Variants in PPP1R3C observed in about 807,000 individuals in gnomAD.
PPP1R3C encodes the protein protein phosphatase 1 regulatory subunit 3C.
PPP1R3C carries 20 observed loss-of-function variants against 29.3 expected under a neutral mutation model. The observed-to-expected ratio is 0.68, with a 90% CI of 0.48 to 0.99. The LOEUF is 0.99. Among genes scored for constraint, PPP1R3C ranks in the 50% least tolerant of loss-of-function variants. PPP1R3C has a pLI of 0.00. For missense variants in PPP1R3C, 321 were observed against 386.0 expected, an observed-to-expected ratio of 0.83 and a Z score of 1.41; for synonymous variants, 123 against 143.1, an observed-to-expected ratio of 0.86 and a Z score of 1.00.
In PPP1R3C at chr10:91,630,579, A is replaced by T. The variant is rs1289983454; in HGVS notation, c.302T>A (p.Phe101Tyr). 1 of 1,613,926 alleles carries T rather than the reference A, an allele frequency of 6.2e-7. No homozygotes were observed. Among genetic ancestry groups the T allele is most frequent in the South Asian group, 1.1e-5 (1 of 91,078 alleles). The change falls in exon 2 of 2, where the codon TTC (phenylalanine) becomes TAC (tyrosine). Residue 101 changes from phenylalanine to tyrosine, a missense_variant. Coordinates refer to ENST00000238994, the MANE Select transcript of PPP1R3C (RefSeq NM_005398.7). The surrounding 1 kb of genome is among the most constrained non-coding windows in gnomAD (Gnocchi z 4.4). ...CGCTGGTTCTTCTGGGAGGTCGGAG[A>T]AGACATGGATCGCAGTGAGAGAGAG... ...KGLSLTAIHV[F>Y]SDLPEEPAWD...
At chr10:91,631,035 TC>T (rs1848712947) in intron 1 of PPP1R3C, among the ~76,000 whole-genome samples, 169 bp from the exon 2 acceptor site, 1 of 152,222 alleles carries the variant, frequency 6.6e-6, no homozygotes, top group Admixed American at 6.5e-5. Flanking sequence ...GATCAGATCT[TC>T]TATGTCTACC....
intron 1 of PPP1R3C, among the ~76,000 whole-genome samples, chr10:91,631,457 C>T (rs1416898699): frequency 6.6e-6 from 1 of 152,042 alleles, no homozygotes; most frequent in African/African-American, 2.4e-5. Flanking sequence ...AGACCCTCTG[C>T]TCCCTCTGGC....
intron 1 of PPP1R3C, among the ~76,000 whole-genome samples, chr10:91,632,054 T>C (rs1279444491): frequency 6.6e-6 from 1 of 152,186 alleles, no homozygotes; most frequent in African/African-American, 2.4e-5. Context: ...AAGCTTATGG[T>C]ATTAAGATTT....
rs775765104 is a variant in PPP1R3C, at chr10:91,630,786, T to C, written c.95A>G (p.His32Arg). The change falls in exon 2 of 2, where the codon CAT (histidine) becomes CGT (arginine). Residue 32 changes from histidine to arginine, a missense_variant. Coordinates refer to ENST00000238994, the MANE Select transcript of PPP1R3C (RefSeq NM_005398.7). The surrounding 1 kb of genome is among the most constrained non-coding windows in gnomAD (Gnocchi z 4.4). ...VDVAMRLCLAHSPPVKSFLGP... is the reference protein window; with the variant it reads ...VDVAMRLCLARSPPVKSFLGP... ...CAGGAAACTCTTCACAGGTGGTGAA[T>C]GTGCCAAGCAAAGCCTCATGGCCAC... The C allele has an allele frequency of 1.6e-5, 26 of 1,614,190 alleles. 1 individual carries two copies. The Admixed American group carries it at 2.8e-4, about 18-fold the overall frequency.
In PPP1R3C at chr10:91,630,935, T is replaced by C. The variant is rs552629579; in HGVS notation, c.15-69A>G. The C allele has an allele frequency of 9.2e-4, 1,268 of 1,378,326 alleles. 1 individual carries two copies. Among genetic ancestry groups the C allele is most frequent in the Non-Finnish European group, 1.2e-3 (1,148 of 981,522 alleles). 85.4% of individuals were successfully genotyped at this position (1,378,326 alleles called of 1,614,324 possible). ...GCTCTTCCCCAGTGCCAAATACATA[T>C]GTACTATTTTTGTGCTGACTGAATT... On this transcript the variant is annotated intron_variant, in intron 1 of 1. Transcript: ENST00000238994. This position sits in a 1 kb window ranked among gnomAD's most constrained non-coding sequence, Gnocchi z 4.4.
rs753088150 is a variant in PPP1R3C at position 91,630,606 on chromosome 10, C to T, written c.275G>A (p.Gly92Asp). 4 of 1,611,940 alleles carry T rather than the reference C, an allele frequency of 2.5e-6. No homozygotes were observed. The highest frequency in any genetic ancestry group is 1.1e-5 in the South Asian group (1 of 91,026). Reference protein sequence around the residue: ...KKRVVFADSKGLSLTAIHVFS... With the variant: ...KKRVVFADSKDLSLTAIHVFS... ...GACATGGATCGCAGTGAGAGAGAGG[C>T]CCTTGGAGTCAGCAAACACAACGCG... Residue 92 changes from glycine (G) to aspartate (D), a missense_variant, in exon 2 of 2, where the codon GGC (glycine) becomes GAC (aspartate). Gly to Asp is a moderately conservative substitution (Grantham distance 94). Coordinates refer to ENST00000238994, the MANE Select transcript of PPP1R3C (RefSeq NM_005398.7). This position sits in a 1 kb window ranked among gnomAD's most constrained non-coding sequence, Gnocchi z 4.4.
chr10:91,631,646 C>G (rs188248468), intron 1 of PPP1R3C, among the ~76,000 whole-genome samples: 1 of 152,178 alleles, frequency 6.6e-6, no homozygotes, highest in East Asian at 1.9e-4. Flanking sequence ...CACTGAAATA[C>G]AAGCCAACAA....
chr10:91,631,739 G>A (rs1214136838), intron 1 of PPP1R3C, among the ~76,000 whole-genome samples: 2 of 152,050 alleles, frequency 1.3e-5, no homozygotes, highest in Non-Finnish European at 2.9e-5. Flanking sequence ...TGGAAAAACT[G>A]ATTACCTGAA....
At position 91,629,694 on chromosome 10, in the gene PPP1R3C, T is replaced by A; in HGVS notation, c.*233A>T. 1.7e-6 allele frequency: 1 copy of A among 575,916 alleles called. No homozygotes were observed. The highest frequency in any genetic ancestry group is 3.1e-6 in the Non-Finnish European group (1 of 324,266). The allele number at this position is 575,916 out of a possible 1,614,324, so 35.7% of individuals were successfully genotyped here. On this transcript the variant is annotated 3_prime_UTR_variant, in exon 2 of 2. Transcript: ENST00000238994. ...GGGAACTGAAAAAGTATTACCTTTA[T>A]AAAAATAGTTTTCAACCTGTTACTT...
Position 91,629,829 on chromosome 10 carries a change from CTGA to C in PPP1R3C, c.*95_*97del. 7.7e-7 allele frequency: 1 copy of C among 1,295,564 alleles called. No homozygotes were observed. The highest frequency in any genetic ancestry group is 1.2e-5 in the South Asian group (1 of 82,384). The allele number at this position is 1,295,564 out of a possible 1,614,324, so 80.3% of individuals were successfully genotyped here. A position where few individuals can be genotyped will look rare whatever the true frequency, so the allele number is the denominator to read the frequency against. ...TCTCAAAAGCTCAAATCTAAACCTA[CTGA>C]TGGAGTAGCAAAGGCTTCCTAAAAT... On this transcript the variant is annotated 3_prime_UTR_variant, in exon 2 of 2. Transcript: ENST00000238994.
Position 91,630,644 on chromosome 10 carries a change from G to C in PPP1R3C, c.237C>G (p.Asn79Lys), listed in dbSNP as rs761353233. The stretch of plus-strand genomic sequence containing the variant: ...CAAACACAACGCGCTTCTTGGCTTG[G>C]TTGTGTGAGCACTTCCAGTCATTCT... ...KSQNDWKCSHNQAKKRVVFAD... is the reference protein window; with the variant it reads ...KSQNDWKCSHKQAKKRVVFAD... The change falls in exon 2 of 2, where the codon AAC becomes AAG. Residue 79 changes from asparagine to lysine, a missense_variant. Transcript: ENST00000238994. This position sits in a 1 kb window ranked among gnomAD's most constrained non-coding sequence, Gnocchi z 4.4. 1 of 1,611,288 alleles carries C rather than the reference G, an allele frequency of 6.2e-7. No individual in the cohort carries two copies. The highest frequency in any genetic ancestry group is 8.5e-7 in the Non-Finnish European group (1 of 1,177,746).
intron 1 of PPP1R3C, among the ~76,000 whole-genome samples, chr10:91,631,292 C>G (rs1848715691): frequency 1.3e-5 from 2 of 149,634 alleles, no homozygotes; most frequent in African/African-American, 5.0e-5. Flanking sequence ...TCCTTTCTTC[C>G]TCTCTCTCTC....
rs750043871 is a variant in PPP1R3C at position 91,630,648 on chromosome 10, T to C, written c.233A>G (p.His78Arg). Reference protein sequence around the residue: ...AKSQNDWKCSHNQAKKRVVFA... With the variant: ...AKSQNDWKCSRNQAKKRVVFA... ...CACAACGCGCTTCTTGGCTTGGTTG[T>C]GTGAGCACTTCCAGTCATTCTGTGA... Residue 78 changes from histidine to arginine, a missense_variant, in exon 2 of 2, where the codon CAC (histidine) becomes CGC (arginine). By Grantham distance (29) the His-to-Arg change is conservative. Coordinates refer to ENST00000238994, the MANE Select transcript of PPP1R3C (RefSeq NM_005398.7). The surrounding 1 kb of genome is among the most constrained non-coding windows in gnomAD (Gnocchi z 4.4). 5 of 1,611,488 alleles carry C rather than the reference T, an allele frequency of 3.1e-6. No individual in the cohort carries two copies. The highest frequency in any genetic ancestry group is 4.2e-6 in the Non-Finnish European group (5 of 1,177,778).
Position 91,630,962 on chromosome 10 carries a change from T to C in PPP1R3C, c.15-96A>G, listed in dbSNP as rs902152386. 8 of 1,055,342 alleles carry C rather than the reference T, an allele frequency of 7.6e-6. No homozygotes were observed. Among genetic ancestry groups the C allele is most frequent in the East Asian group, 2.5e-5 (1 of 40,708 alleles). 65.4% of individuals were successfully genotyped at this position (1,055,342 alleles called of 1,614,324 possible). ...TACTATTTTTGTGCTGACTGAATTA[T>C]AGCCAGTGCACTAGATATCAGGCAG... On this transcript the variant is annotated intron_variant, in intron 1 of 1. Transcript: ENST00000238994. The surrounding 1 kb of genome is among the most constrained non-coding windows in gnomAD (Gnocchi z 4.4).
Position 91,630,558 on chromosome 10 carries a change from GGTTCTTCTGGGA to G in PPP1R3C, c.311_322del (p.Leu104_Glu107del). The G allele has an allele frequency of 6.2e-7, 1 of 1,614,012 alleles. No homozygotes were observed. Among genetic ancestry groups the G allele is most frequent in the Non-Finnish European group, 8.5e-7 (1 of 1,179,922 alleles). On this transcript the variant is annotated inframe_deletion, in exon 2 of 2. Transcript: ENST00000238994. The surrounding 1 kb of genome is among the most constrained non-coding windows in gnomAD (Gnocchi z 4.4). ...GAGATCAAACTGCAGATCCCACGCT[GGTTCTTCTGGGA>G]GGTCGGAGAAGACATGGATCGCAGT...
intron 1 of PPP1R3C, among the ~76,000 whole-genome samples, chr10:91,631,304 CTT>C (rs1433380488): frequency 6.6e-6 from 1 of 151,972 alleles, no homozygotes; most frequent in African/African-American, 2.4e-5. Context: ...CTCTCTCTCT[CTT>C]TCTCTTTCTT....
chr10:91,630,496 G>C lies in PPP1R3C; in HGVS notation c.385C>G (p.His129Asp). ...TCTAAAATCAAGTTTTTCTCCTCGT[G>C]GTGTTTTAAGGCAGAGGAGATATCA... Reference protein sequence around the residue: ...LNDISSALKHHEEKNLILDFP... With the variant: ...LNDISSALKHDEEKNLILDFP... Residue 129 changes from histidine (H) to aspartate (D), a missense_variant, in exon 2 of 2, where the codon CAC becomes GAC. By Grantham distance (81) the His-to-Asp change is moderately conservative. Coordinates refer to ENST00000238994, the MANE Select transcript of PPP1R3C (RefSeq NM_005398.7). This position sits in a 1 kb window ranked among gnomAD's most constrained non-coding sequence, Gnocchi z 4.4. 2.5e-6 allele frequency: 4 copies of C among 1,614,128 alleles called. No homozygotes were observed. The highest frequency in any genetic ancestry group is 3.4e-6 in the Non-Finnish European group (4 of 1,180,018).
rs747930364 is a variant in PPP1R3C at position 91,629,932 on chromosome 10, G to A, written c.949C>T (p.Arg317Ter). 26 of 1,613,962 alleles carry A rather than the reference G, an allele frequency of 1.6e-5. 1 individual carries two copies. The South Asian group carries it at 1.9e-4, about 12-fold the overall frequency. Residue 317 changes from arginine (R) to a stop codon, truncating the protein, a stop_gained, in exon 2 of 2, where the codon CGA becomes TGA. Coordinates refer to ENST00000238994, the MANE Select transcript of PPP1R3C (RefSeq NM_005398.7). LOFTEE classifies it high-confidence loss of function. ...CAGTTACATTGTTGCTTAATTCATC[G>A]ATAAGAGGCCAAGTTCTCCATTCTC... ...WGRMENLASY[R>*]
chr10:91,629,893 T>C lies in PPP1R3C; in HGVS notation c.*34A>G, dbSNP rs377761243. ...AGACCTAGGATTGCATGGGGGAATA[T>C]GACAAGTCAAGACCAGTTACATTGT... On this transcript the variant is annotated 3_prime_UTR_variant, in exon 2 of 2. Transcript: ENST00000238994. The C allele has an allele frequency of 6.5e-5, 104 of 1,608,212 alleles. No individual in the cohort carries two copies. In the African/African-American group the frequency reaches 1.1e-3, roughly 17 times the overall value.
Sources: allele counts gnomAD v4.1 joint callset (sites outside exome capture counted in the v4.1 genomes callset), GRCh38; gene constraint gnomAD v4.1.1; non-coding constraint Gnocchi (gnomAD v3.1); transcripts MANE v1.5; gene names NCBI Gene and HGNC (gene_info 2026-07-23, HGNC 2026-07-21).